The following SPATA16 variants were observed in gnomAD, a reference collection of about 807,000 sequenced individuals.
SPATA16 encodes the protein spermatogenesis associated 16, also known as spermatogenesis-associated protein 16.
Under a neutral mutation model 63.3 loss-of-function variants are expected in SPATA16, and 36 were observed. That is an observed-to-expected ratio of 0.57 (90% confidence interval 0.44 to 0.75). The LOEUF (loss-of-function observed/expected upper bound fraction) is 0.75. SPATA16 is among the 30% of genes least tolerant of loss of function. SPATA16 has a pLI of 0.00. For synonymous variants in SPATA16, 203 were observed against 216.7 expected, an observed-to-expected ratio of 0.94 and a Z score of 0.56; for missense variants, 646 against 679.3, an observed-to-expected ratio of 0.95 and a Z score of 0.54.
At chr3:173,129,417 T>C (rs1266837640) in intron 1 of SPATA16, among the ~76,000 whole-genome samples, 1 of 152,156 alleles carries the variant, frequency 6.6e-6, no homozygotes, top group Non-Finnish European at 1.5e-5. Flanking sequence ...TAATTCCTCA[T>C]AGAGATGATT....
At chr3:173,042,868 A>G (rs1054963931) in intron 3 of SPATA16, among the ~76,000 whole-genome samples, 15 of 152,280 alleles carry the variant, frequency 9.9e-5, no homozygotes, top group East Asian at 5.8e-4. Context: ...TAATTACATT[A>G]TGGTTAGAGA....
chr3:172,976,556 A>G (rs1346180129), intron 5 of SPATA16, among the ~76,000 whole-genome samples: 1 of 152,156 alleles, frequency 6.6e-6, no homozygotes, highest in Non-Finnish European at 1.5e-5. Flanking sequence ...AGTAAATAGT[A>G]AACAAATACA....
intron 6 of SPATA16, among the ~76,000 whole-genome samples, chr3:172,952,661 G>C (rs1043491491): frequency 6.6e-6 from 1 of 152,172 alleles, no homozygotes; most frequent in African/African-American, 2.4e-5. Flanking sequence ...AAGAGTTTGG[G>C]CCGGGTGCAG....
intron 6 of SPATA16, among the ~76,000 whole-genome samples, chr3:172,935,296 T>TA (rs1732957104): frequency 6.6e-6 from 1 of 152,104 alleles, no homozygotes; most frequent in South Asian, 2.1e-4. Flanking sequence ...CACCTGCGAA[T>TA]AGCCACTCAA....
At chr3:173,098,413 C>T (rs570136810) in intron 2 of SPATA16, among the ~76,000 whole-genome samples, 2 of 152,304 alleles carry the variant, frequency 1.3e-5, no homozygotes, top group South Asian at 2.1e-4. Context: ...AAATCATTCA[C>T]TATTACTGGT....
At chr3:172,968,675 C>T (rs1733974129) in intron 5 of SPATA16, among the ~76,000 whole-genome samples, 1 of 152,156 alleles carries the variant, frequency 6.6e-6, no homozygotes, top group African/African-American at 2.4e-5. Context: ...AAGAACTACA[C>T]AAAACTATAC....
At chr3:173,065,464 CTT>C (rs1297657343) in intron 2 of SPATA16, among the ~76,000 whole-genome samples, 3 of 152,178 alleles carry the variant, frequency 2.0e-5, no homozygotes, top group Non-Finnish European at 4.4e-5. Context: ...AAATAGAACA[CTT>C]TTGCAATTGT....
At chr3:173,066,790 C>T (rs927411901) in intron 2 of SPATA16, among the ~76,000 whole-genome samples, 2 of 152,116 alleles carry the variant, frequency 1.3e-5, no homozygotes, top group African/African-American at 4.8e-5. Flanking sequence ...CAAGAGCATT[C>T]AGGAAAACAT....
At chr3:173,059,543 A>G (rs1367503322) in intron 2 of SPATA16, among the ~76,000 whole-genome samples, 1 of 151,714 alleles carries the variant, frequency 6.6e-6, no homozygotes, top group Admixed American at 6.6e-5. Context: ...TTTTATTTCC[A>G]GCTTTTTTAT....
intron 2 of SPATA16, among the ~76,000 whole-genome samples, chr3:173,088,079 T>TTTCTTTCTTTC (rs1341575315): frequency 3.8e-5 from 4 of 105,940 alleles, no homozygotes; most frequent in African/African-American, 1.5e-4. Flanking sequence ...TCTTTCTTTC[T>TTTCTTTCTTTC]GTCTTTTCTT....
intron 3 of SPATA16, among the ~76,000 whole-genome samples, chr3:173,029,010 A>G (rs1163200923): frequency 6.6e-6 from 1 of 152,100 alleles, no homozygotes; most frequent in Non-Finnish European, 1.5e-5. Flanking sequence ...TAATTATTCT[A>G]TGTAATATCA....
intron 4 of SPATA16, among the ~76,000 whole-genome samples, chr3:172,995,997 T>A (rs1020429146): frequency 6.6e-6 from 1 of 152,102 alleles, no homozygotes; most frequent in Non-Finnish European, 1.5e-5. Flanking sequence ...AGTATCCAAT[T>A]TAGTTACATA....
chr3:172,999,677 G>C (rs751322854), intron 4 of SPATA16, among the ~76,000 whole-genome samples: 13 of 152,148 alleles, frequency 8.5e-5, no homozygotes, highest in Non-Finnish European at 1.9e-4. Context: ...GCCTCCCAAA[G>C]TGCTGGGATT....
intron 10 of SPATA16, among the ~76,000 whole-genome samples, chr3:172,912,600 T>C (rs1270926778): frequency 6.6e-6 from 1 of 152,050 alleles, no homozygotes; most frequent in African/African-American, 2.4e-5. Context: ...ACAACAAGGG[T>C]GAAGACCTTC....
At position 172,923,329 on chromosome 3, in the gene SPATA16, G is replaced by A. The variant is rs902324050; in HGVS notation, c.1338+879C>T. Among the ~76,000 whole-genome samples, 7 of 152,190 alleles carry A rather than the reference G, an allele frequency of 4.6e-5. No homozygotes were observed. In the East Asian group the frequency reaches 1.2e-3, roughly 25 times the overall value. Reference sequence around the variant, plus strand: ...TTTGTAATACATGGAATCGCAAATCGTGCAAACAGATTAGGTGTTTTTTAG... The same window carrying A: ...TTTGTAATACATGGAATCGCAAATCATGCAAACAGATTAGGTGTTTTTTAG... On this transcript the variant is annotated intron_variant, in intron 8 of 10. Coordinates refer to ENST00000351008, the MANE Select transcript of SPATA16 (RefSeq NM_031955.6).
At chr3:173,075,156 T>TAAA (rs34537715) in intron 2 of SPATA16, among the ~76,000 whole-genome samples, 10 of 139,330 alleles carry the variant, frequency 7.2e-5, no homozygotes, top group African/African-American at 2.7e-4. Context: ...GTTGAAATTA[T>TAAA]AAAAAAAAAA....
chr3:173,042,546 A>G (rs891812102), intron 3 of SPATA16, among the ~76,000 whole-genome samples: 46 of 152,198 alleles, frequency 3.0e-4, no homozygotes, highest in African/African-American at 1.1e-3. Context: ...TTATGAAAAT[A>G]TAGAGCTTAT....
intron 6 of SPATA16, among the ~76,000 whole-genome samples, chr3:172,931,297 G>T (rs1560070390): frequency 6.6e-6 from 1 of 152,212 alleles, no homozygotes; most frequent in Non-Finnish European, 1.5e-5. Flanking sequence ...CTGGAGTGCA[G>T]TAATGCAATC....
intron 4 of SPATA16, among the ~76,000 whole-genome samples, chr3:172,981,622 G>A (rs1734321661): frequency 1.3e-5 from 2 of 152,122 alleles, no homozygotes; most frequent in Non-Finnish European, 2.9e-5. Context: ...TTCGGTCTTT[G>A]TATGTGTCAT....
Sources: allele counts gnomAD v4.1 joint callset (sites outside exome capture counted in the v4.1 genomes callset), GRCh38; gene constraint gnomAD v4.1.1; transcripts MANE v1.5; gene names NCBI Gene and HGNC (gene_info 2026-07-23, HGNC 2026-07-21).